Variants in B4GALNT4 observed in about 807,000 individuals in gnomAD.
B4GALNT4 encodes the protein beta-1,4-N-acetyl-galactosaminyltransferase 4, also known as N-acetyl-beta-glucosaminyl-glycoprotein 4-beta-N-acetylgalactosaminyltransferase 1.
In B4GALNT4, 77 loss-of-function variants were observed where a neutral mutation model predicts 110.0. The ratio of observed to expected loss-of-function variants is 0.70; its 90% CI spans 0.58 to 0.85. The LOEUF is 0.85. B4GALNT4 is among the 40% of genes least tolerant of loss of function. B4GALNT4 has a pLI of 0.00. For synonymous variants in B4GALNT4, 785 were observed against 655.5 expected (o/e 1.20, Z -3.02); for missense variants, 1,575 against 1,506.0 (o/e 1.05, Z -0.76).
At chr11:380,775 C>CA (rs759618647) in intron 18 of B4GALNT4, 50 bp from the exon 19 acceptor site, 4 of 1,518,306 alleles carry the variant, frequency 2.6e-6, no homozygotes, top group Non-Finnish European at 3.5e-6. Context: ...GCCGGGGGGA[C>CA]CTTGCAGGAC....
intron 2 of B4GALNT4, among the ~76,000 whole-genome samples, 169 bp downstream of exon 2, chr11:372,381 A>T (rs1205028979): frequency 1.3e-5 from 2 of 152,228 alleles, no homozygotes; most frequent in African/African-American, 4.8e-5. Flanking sequence ...AGCACCAGCC[A>T]TCCTGTCTGG....
chr11:374,560 C>T (rs1846686417), intron 8 of B4GALNT4, among the ~76,000 whole-genome samples: 1 of 127,716 alleles, frequency 7.8e-6, no homozygotes. Context: ...CTGAGACAGC[C>T]CCTGGAGCCC....
Position 376,740 on chromosome 11 carries a change from G to A in B4GALNT4, c.1617G>A (p.Arg539=). ...RVRPGQRASP[R]APAPRAPWPP... is the part of the protein sequence containing the mutation. ...GGCCGGGACAGCGGGCATCCCCCCG[G>A]GCCCCAGCGCCGCGTGCGCCCTGGC... The change falls in exon 14 of 20, where the codon CGG becomes CGA. Residue 539 remains arginine, a synonymous_variant. Coordinates refer to ENST00000329962, the MANE Select transcript of B4GALNT4 (RefSeq NM_178537.5). The A allele has an allele frequency of 1.4e-6, 2 of 1,396,906 alleles. No individual in the cohort carries two copies. The highest frequency in any genetic ancestry group is 1.9e-6 in the Non-Finnish European group (2 of 1,080,792). 86.5% of individuals were successfully genotyped at this position (1,396,906 alleles called of 1,614,324 possible).
At chr11:369,978 G>T (rs1001755377) in intron 1 of B4GALNT4, 24 bp downstream of exon 1, 11 of 619,034 alleles carry the variant, frequency 1.8e-5, no homozygotes, top group Non-Finnish European at 1.8e-5. Context: ...GGCGCGGGGG[G>T]CGCGGGGGGC....
At chr11:381,004 C>A (rs756807289) in intron 19 of B4GALNT4, 53 bp downstream of exon 19, 36 of 1,576,074 alleles carry the variant, frequency 2.3e-5, no homozygotes, top group Non-Finnish European at 3.0e-5. Context: ...GCGTCCTCCT[C>A]CTCTGAATGG....
chr11:369,876 G>A lies in B4GALNT4; in HGVS notation c.73G>A (p.Ala25Thr). ...LLLLLLLLSC[A>T]AWLTYVHLGL... ...GCTGCTGCTGCTGCTGCTGAGCTGC[G>A]CCGCGTGGCTCACCTACGTGCACCT... The change falls in exon 1 of 20, where the codon GCC becomes ACC. Residue 25 changes from alanine to threonine, a missense_variant. By Grantham distance (58) the Ala-to-Thr change is moderately conservative (BLOSUM62 0). Transcript: ENST00000329962. The A allele has an allele frequency of 2.0e-6, 2 of 996,170 alleles. No homozygotes were observed. Among genetic ancestry groups the A allele is most frequent in the Non-Finnish European group, 2.4e-6 (2 of 837,994 alleles). The allele number at this position is 996,170 out of a possible 1,614,324, so 61.7% of individuals were successfully genotyped here. A position where few individuals can be genotyped will look rare whatever the true frequency, so the allele number is the denominator to read the frequency against.
chr11:379,799 C>T (rs749089766), intron 15 of B4GALNT4, 67 bp from the exon 16 acceptor site: 25 of 1,520,102 alleles, frequency 1.6e-5, no homozygotes, highest in Admixed American at 1.0e-4. Flanking sequence ...TGAAGTTCTT[C>T]GGAGCTGGGA....
rs1373304790 is a variant in B4GALNT4, at chr11:380,207, G to C, written c.2715+5G>C. ...GCGGGAGTGGACGCGGTAGAGGTCC[G>C]AGGGCCCCATGGGGGTCGGGGAGCA... is the stretch of plus-strand genomic sequence containing the variant. On this transcript the variant is annotated splice_donor_5th_base_variant and intron_variant, in intron 17 of 19. Transcript: ENST00000329962. 1.9e-6 allele frequency: 3 copies of C among 1,603,570 alleles called. No individual in the cohort carries two copies. Among genetic ancestry groups the C allele is most frequent in the Admixed American group, 1.7e-5 (1 of 59,554 alleles).
chr11:373,992 A>G (rs893807766), intron 8 of B4GALNT4, among the ~76,000 whole-genome samples, 164 bp downstream of exon 8: 2 of 152,040 alleles, frequency 1.3e-5, no homozygotes, highest in Non-Finnish European at 2.9e-5. Context: ...GGGCTCGGTG[A>G]GGCTTCACTA....
Position 376,928 on chromosome 11 carries a change from G to A in B4GALNT4, c.1805G>A (p.Gly602Asp). Residue 602 changes from glycine (G) to aspartate (D), a missense_variant, in exon 14 of 20, where the codon GGC (glycine) becomes GAC (aspartate). Coordinates refer to ENST00000329962, the MANE Select transcript of B4GALNT4 (RefSeq NM_178537.5). The part of the protein sequence containing the change: ...RAQATQGGRE[G>D]QARTLGPAAP... Reference sequence around the variant, plus strand: ...CAGGCCACCCAAGGGGGCCGGGAGGGCCAGGCGCGCACGCTGGGACCTGCG... The same window carrying A: ...CAGGCCACCCAAGGGGGCCGGGAGGACCAGGCGCGCACGCTGGGACCTGCG... 5.7e-6 allele frequency: 8 copies of A among 1,409,994 alleles called. No individual in the cohort carries two copies. The highest frequency in any genetic ancestry group is 1.6e-5 in the South Asian group (1 of 63,976). The allele number at this position is 1,409,994 out of a possible 1,614,324, so 87.3% of individuals were successfully genotyped here.
chr11:374,001 T>G (rs1192673771), intron 8 of B4GALNT4, among the ~76,000 whole-genome samples, 173 bp downstream of exon 8: 1 of 152,104 alleles, frequency 6.6e-6, no homozygotes, highest in African/African-American at 2.4e-5. Context: ...GAGGCTTCAC[T>G]AGGAGTCACC....
chr11:375,373 G>T (rs574040301), intron 8 of B4GALNT4, 88 bp from the exon 9 acceptor site: 19 of 1,365,050 alleles, frequency 1.4e-5, no homozygotes, highest in Non-Finnish European at 1.9e-5. Context: ...GGTCCTATTA[G>T]TCCCCCGGCC....
At position 379,528 on chromosome 11, in the gene B4GALNT4, G is replaced by A; in HGVS notation, c.2315G>A (p.Arg772Gln). ...ELQERGGGRL[R>Q]LSEYVFLRLP... ...CAGGAGCGCGGGGGCGGCCGCCTGC[G>A]ACTGTCCGAGTACGTCTTCCTGCGG... The change falls in exon 15 of 20, where the codon CGA (arginine) becomes CAA (glutamine). Residue 772 changes from arginine to glutamine, a missense_variant. Physicochemically the swap from Arg to Gln is conservative, Grantham distance 43 (BLOSUM62 1). Transcript: ENST00000329962. The A allele has an allele frequency of 6.3e-7, 1 of 1,587,282 alleles. No individual in the cohort carries two copies. Among genetic ancestry groups the A allele is most frequent in the Non-Finnish European group, 8.5e-7 (1 of 1,171,110 alleles).
Position 376,167 on chromosome 11 carries a change from C to T in B4GALNT4, c.1189C>T (p.Leu397=). 7.5e-7 allele frequency: 1 copy of T among 1,340,276 alleles called. No individual in the cohort carries two copies. The highest frequency in any genetic ancestry group is 4.8e-5 in the East Asian group (1 of 20,886). The allele number at this position is 1,340,276 out of a possible 1,614,324, so 83.0% of individuals were successfully genotyped here. ...CTTCTACCGCGAGTCTCCGCTGTATCTGGAGAGGTGGGCGCGCGGCCGGGC... is the reference window on the plus strand; with the variant it reads ...CTTCTACCGCGAGTCTCCGCTGTATTTGGAGAGGTGGGCGCGCGGCCGGGC... ...KCFYRESPLY[L]ERFGFYKYMK... Residue 397 remains leucine, a synonymous_variant, in exon 12 of 20, where the codon CTG becomes TTG. Coordinates refer to ENST00000329962, the MANE Select transcript of B4GALNT4 (RefSeq NM_178537.5).
At chr11:375,982 C>G (rs1846738651) in intron 11 of B4GALNT4, 26 bp downstream of exon 11, 1 of 1,608,052 alleles carries the variant, frequency 6.2e-7, no homozygotes, top group Non-Finnish European at 8.5e-7. Context: ...GACCCCGTCT[C>G]CCGTCCGGGA....
At position 380,348 on chromosome 11, in the gene B4GALNT4, C is replaced by T. The variant is rs150102132; in HGVS notation, c.2772C>T (p.Ile924=). 3 of 1,613,414 alleles carry T rather than the reference C, an allele frequency of 1.9e-6. No homozygotes were observed. The East Asian group carries it at 6.7e-5, about 36-fold the overall frequency. The change falls in exon 18 of 20, where the codon ATC becomes ATT. Residue 924 remains isoleucine, a synonymous_variant. Transcript: ENST00000329962. ...TGCACATCCACTTCCCACCCAACATCCTGGACGGCATCCGCAAGCACTGCG... is the reference window on the plus strand; with the variant it reads ...TGCACATCCACTTCCCACCCAACATTCTGGACGGCATCCGCAAGCACTGCG... ...CDLHIHFPPN[I]LDGIRKHCVE...
rs1343900568 is a variant in B4GALNT4 at position 380,027 on chromosome 11, C to T, written c.2642+8C>T. The T allele has an allele frequency of 1.9e-6, 3 of 1,610,698 alleles. No individual in the cohort carries two copies. The highest frequency in any genetic ancestry group is 2.5e-6 in the Non-Finnish European group (3 of 1,178,338). On this transcript the variant is annotated splice_region_variant and intron_variant, in intron 16 of 19. Coordinates refer to ENST00000329962, the MANE Select transcript of B4GALNT4 (RefSeq NM_178537.5). ...CGCCGCGCGCCTGCCCCGGTAACGACCCCTACTTCCACCTGGGCGGACCCA... is the reference window on the plus strand; with the variant it reads ...CGCCGCGCGCCTGCCCCGGTAACGATCCCTACTTCCACCTGGGCGGACCCA...
chr11:376,609 T>A lies in B4GALNT4; in HGVS notation c.1486T>A (p.Trp496Arg). 1 of 1,392,442 alleles carries A rather than the reference T, an allele frequency of 7.2e-7. No individual in the cohort carries two copies. The highest frequency in any genetic ancestry group is 9.3e-7 in the Non-Finnish European group (1 of 1,075,652). 86.3% of individuals were successfully genotyped at this position (1,392,442 alleles called of 1,614,324 possible). A position where few individuals can be genotyped will look rare whatever the true frequency, so the allele number is the denominator to read the frequency against. The change falls in exon 14 of 20, where the codon TGG (tryptophan) becomes AGG (arginine). Residue 496 changes from tryptophan (W) to arginine (R), a missense_variant. Trp to Arg is a moderately radical substitution (Grantham distance 101). Coordinates refer to ENST00000329962, the MANE Select transcript of B4GALNT4 (RefSeq NM_178537.5). ...CCCCAGGCACTCCCGGGCCCTGAGC[T>A]GGGCCGCCAGGGCCGCCCGCCCTTT... ...GTPRHSRALS[W>R]AARAARPLPL...
intron 8 of B4GALNT4, among the ~76,000 whole-genome samples, chr11:375,188 G>A (rs1846716192): frequency 7.0e-6 from 1 of 142,802 alleles, no homozygotes. Context: ...GAGGAGGAAG[G>A]GAGGGAGGAG....
Sources: gnomAD v4.1 joint callset for allele counts (sites outside exome capture counted in the v4.1 genomes callset) on GRCh38, gnomAD v4.1.1 for gene constraint, MANE v1.5 for transcripts, NCBI Gene and HGNC (gene_info 2026-07-23, HGNC 2026-07-21) for gene names.